The following LMBRD2 variants were observed in gnomAD, a reference collection of about 807,000 sequenced individuals.
The protein encoded by LMBRD2 is G protein-coupled receptor-associated protein LMBRD2.
In LMBRD2, 55 loss-of-function variants were observed where a neutral mutation model predicts 94.4. That is an observed-to-expected ratio of 0.58 (90% CI 0.47 to 0.73). LMBRD2 has a LOEUF of 0.73. Ranked by LOEUF, LMBRD2 falls within the 30% of genes least tolerant of loss-of-function variation. The pLI, the probability that LMBRD2 is intolerant of heterozygous loss-of-function variation, is 0.00. For synonymous variants in LMBRD2, 246 were observed against 272.4 expected (o/e 0.90, Z 0.95); for missense variants, 640 against 831.9 (o/e 0.77, Z 2.84).
At chr5:36,147,950 G>C (rs1312437064) in intron 1 of LMBRD2, 1 of 352,112 alleles carries the variant, frequency 2.8e-6, no homozygotes, top group South Asian at 2.1e-5. Context: ...TTAAATATCT[G>C]AGTCTGATGA....
intron 9 of LMBRD2, among the ~76,000 whole-genome samples, chr5:36,120,105 C>A (rs1743853779): frequency 6.6e-6 from 1 of 150,724 alleles, no homozygotes; most frequent in East Asian, 1.9e-4. Flanking sequence ...TGTCCCCAGG[C>A]TGGAGTGTAG....
chr5:36,132,664 C>CAA (rs35930344), intron 6 of LMBRD2, among the ~76,000 whole-genome samples: 11,711 of 133,846 alleles, frequency 0.087, 925 homozygotes, highest in African/African-American at 0.21. Flanking sequence ...TTGAATTTCT[C>CAA]AAAAAAAAAA....
Position 36,148,960 on chromosome 5 carries a change from A to G in LMBRD2, c.-58+2596T>C, listed in dbSNP as rs117912141. On this transcript the variant is annotated intron_variant, in intron 1 of 17. Transcript: ENST00000296603. Reference sequence around the variant, plus strand: ...GAATTTAACGCAAACTTTTTACATTACAGATTATACTACTATTACTTGATT... The same window carrying G: ...GAATTTAACGCAAACTTTTTACATTGCAGATTATACTACTATTACTTGATT... Among the ~76,000 whole-genome samples the G allele has an allele frequency of 2.6e-5, 4 of 152,354 alleles. No homozygotes were observed. In the East Asian group the frequency reaches 5.8e-4, roughly 22 times the overall value.
rs561731643 is a variant in LMBRD2, at chr5:36,141,008, T to A, written c.368+99A>T. 4.0e-5 allele frequency: 25 copies of A among 630,572 alleles called. No individual in the cohort carries two copies. The African/African-American group carries it at 4.5e-4, about 11-fold the overall frequency. 39.1% of individuals were successfully genotyped at this position (630,572 alleles called of 1,614,324 possible). Reference sequence around the variant, plus strand: ...AAATAATGGGTAGAAAGATTCAGAATGCATATGACACATAAATAAATTCCA... The same window carrying A: ...AAATAATGGGTAGAAAGATTCAGAAAGCATATGACACATAAATAAATTCCA... On this transcript the variant is annotated intron_variant, in intron 4 of 17. Coordinates refer to ENST00000296603, the MANE Select transcript of LMBRD2 (RefSeq NM_001007527.2).
chr5:36,106,653 G>A (rs1743479507), intron 16 of LMBRD2, among the ~76,000 whole-genome samples: 1 of 151,692 alleles, frequency 6.6e-6, no homozygotes, highest in African/African-American at 2.4e-5. Context: ...GGGATTACAG[G>A]TGCATACCAC....
At chr5:36,122,728 G>A (rs1743915727) in intron 8 of LMBRD2, 120 bp downstream of exon 8, 2 of 1,256,348 alleles carry the variant, frequency 1.6e-6, no homozygotes, top group South Asian at 1.6e-5. Context: ...AGAATGATAA[G>A]GACGGGATTA....
In LMBRD2 at chr5:36,102,336, T is replaced by C. The variant is rs1421745743; in HGVS notation, c.*1710A>G. On this transcript the variant is annotated 3_prime_UTR_variant, in exon 18 of 18. Transcript: ENST00000296603. ...CAAATGAAAGTGCAGAATGAAGCAC[T>C]TGAGGCACTGAAGAGCTACATGATT... The C allele has an allele frequency of 6.6e-6, 1 of 151,878 alleles. No homozygotes were observed. The highest frequency in any genetic ancestry group is 2.4e-5 in the African/African-American group (1 of 41,436). The allele number at this position is 151,878 out of a possible 1,614,324, so 9.4% of individuals were successfully genotyped here.
rs935122523 is a variant in LMBRD2 at position 36,098,656 on chromosome 5, A to G, written c.*5390T>C. On this transcript the variant is annotated 3_prime_UTR_variant, in exon 18 of 18. Coordinates refer to ENST00000296603, the MANE Select transcript of LMBRD2 (RefSeq NM_001007527.2). ...ATTTCAAAAAATTCATTACATCACA[A>G]TAAGTTAAAATACTACAAAGGAACT... The G allele has an allele frequency of 9.2e-5, 14 of 152,082 alleles. No individual in the cohort carries two copies. In the East Asian group the frequency reaches 1.3e-3, roughly 15 times the overall value. The allele number at this position is 152,082 out of a possible 1,614,324, so 9.4% of individuals were successfully genotyped here. A position where few individuals can be genotyped will look rare whatever the true frequency, so the allele number is the denominator to read the frequency against.
chr5:36,116,387 CA>C (rs1561514005), intron 11 of LMBRD2, 72 bp downstream of exon 11: 1 of 1,409,980 alleles, frequency 7.1e-7, no homozygotes, highest in Non-Finnish European at 9.8e-7. Context: ...CTGTAAACAA[CA>C]AAAAATAAAA....
At position 36,151,160 on chromosome 5, in the gene LMBRD2, G is replaced by T. The variant is rs1198656294; in HGVS notation, c.-58+396C>A. 6.6e-6 allele frequency among the ~76,000 whole-genome samples: 1 copy of T among 152,320 alleles called. No individual in the cohort carries two copies. The highest frequency in any genetic ancestry group is 6.5e-5 in the Admixed American group (1 of 15,304). On this transcript the variant is annotated intron_variant, in intron 1 of 17. Coordinates refer to ENST00000296603, the MANE Select transcript of LMBRD2 (RefSeq NM_001007527.2). This position sits in a 1 kb window ranked among gnomAD's most constrained non-coding sequence, Gnocchi z 4.7. ...AGCAGAGATAGGCTGAAAGCAGCTC[G>T]CTTTTAGGCGGCGACGCAAACACAC...
intron 6 of LMBRD2, among the ~76,000 whole-genome samples, chr5:36,134,543 T>G (rs1399009176): frequency 6.6e-6 from 1 of 152,050 alleles, no homozygotes; most frequent in Non-Finnish European, 1.5e-5. Context: ...ATGACTGGTG[T>G]CCTTACAAAA....
rs1439646006 is a variant in LMBRD2 at position 36,100,639 on chromosome 5, A to G, written c.*3407T>C. ...AATTCAATACAATCCATTACATTTG[A>G]TGATTCAAGTACGCTAAGATTTTTC... On this transcript the variant is annotated 3_prime_UTR_variant, in exon 18 of 18. Coordinates refer to ENST00000296603, the MANE Select transcript of LMBRD2 (RefSeq NM_001007527.2). 2.0e-5 allele frequency: 3 copies of G among 152,124 alleles called. No homozygotes were observed. In the East Asian group the frequency reaches 5.8e-4, roughly 29 times the overall value. 9.4% of individuals were successfully genotyped at this position (152,124 alleles called of 1,614,324 possible).
At position 36,099,853 on chromosome 5, in the gene LMBRD2, T is replaced by C. The variant is rs578187781; in HGVS notation, c.*4193A>G. ...TAACAGATTTAAAATTTACAGTGAGTCCTCAATTGACCTCAATGGACCAAT... is the reference window on the plus strand; with the variant it reads ...TAACAGATTTAAAATTTACAGTGAGCCCTCAATTGACCTCAATGGACCAAT... On this transcript the variant is annotated 3_prime_UTR_variant, in exon 18 of 18. Coordinates refer to ENST00000296603, the MANE Select transcript of LMBRD2 (RefSeq NM_001007527.2). 17 of 152,190 alleles carry C rather than the reference T, an allele frequency of 1.1e-4. No individual in the cohort carries two copies. Among genetic ancestry groups the C allele is most frequent in the Admixed American group, 5.2e-4 (8 of 15,280 alleles). The allele number at this position is 152,190 out of a possible 1,614,324, so 9.4% of individuals were successfully genotyped here. A position where few individuals can be genotyped will look rare whatever the true frequency, so the allele number is the denominator to read the frequency against.
chr5:36,139,576 C>T (rs1403051797), intron 4 of LMBRD2, among the ~76,000 whole-genome samples: 1 of 152,212 alleles, frequency 6.6e-6, no homozygotes, highest in Non-Finnish European at 1.5e-5. Flanking sequence ...ATGGCCCAAT[C>T]AGTGCACACT....
intron 9 of LMBRD2, among the ~76,000 whole-genome samples, chr5:36,120,210 G>C (rs928407369): frequency 7.3e-5 from 11 of 151,488 alleles, no homozygotes; most frequent in Admixed American, 7.2e-4. Flanking sequence ...AGGTAGGCTG[G>C]AGTGCAGTGG....
In LMBRD2 at chr5:36,137,364, A is replaced by G; in HGVS notation, c.446T>C (p.Ile149Thr). The change falls in exon 5 of 18, where the codon ATT (isoleucine) becomes ACT (threonine). Residue 149 changes from isoleucine to threonine, a missense_variant. Physicochemically the swap from Ile to Thr is moderately conservative, Grantham distance 89. Around this residue, in one of 2 missense-constraint regions of LMBRD2, gnomAD observed 457 missense variants for 642.8 expected, o/e 0.71. Transcript: ENST00000296603. ...GGTGCCATAGTAGATTGCATTCTCA[A>G]TTAGTGCAGTTTTGATCTTTCCAGT... is the stretch of plus-strand genomic sequence containing the variant. ...SITGKIKTAL[I>T]ENAIYYGTYL... The G allele has an allele frequency of 2.5e-6, 4 of 1,607,726 alleles. No individual in the cohort carries two copies. The highest frequency in any genetic ancestry group is 2.2e-5 in the South Asian group (2 of 90,334).
At chr5:36,131,220 A>G (rs1178218704) in intron 6 of LMBRD2, among the ~76,000 whole-genome samples, 1 of 152,184 alleles carries the variant, frequency 6.6e-6, no homozygotes, top group East Asian at 1.9e-4. Context: ...TATTAATAGA[A>G]TGAAGGAAAA....
rs757214960 is a variant in LMBRD2 at position 36,122,306 on chromosome 5, A to T, written c.1094T>A (p.Ile365Asn). ...FQSPEPENRF[I>N]QYFYNPTFEW... ...AAATGTAGGATTATAAAAATATTGG[A>T]TAAATCGATTTTCTGGCTCTGGCGA... Residue 365 changes from isoleucine (I) to asparagine (N), a missense_variant, in exon 9 of 18, where the codon ATC becomes AAC. Ile to Asn is a moderately radical substitution (Grantham distance 149). Around this residue, in one of 2 missense-constraint regions of LMBRD2, gnomAD observed 457 missense variants for 642.8 expected, o/e 0.71. Transcript: ENST00000296603. 3 of 1,603,604 alleles carry T rather than the reference A, an allele frequency of 1.9e-6. No individual in the cohort carries two copies. The African/African-American group carries it at 4.0e-5, about 22-fold the overall frequency.
chr5:36,115,985 T>C (rs1222229256), intron 11 of LMBRD2, among the ~76,000 whole-genome samples: 1 of 152,184 alleles, frequency 6.6e-6, no homozygotes, highest in Non-Finnish European at 1.5e-5. Context: ...TATAAATACC[T>C]AATAGGACTC....
Sources: allele counts gnomAD v4.1 joint callset (sites outside exome capture counted in the v4.1 genomes callset), GRCh38; gene constraint gnomAD v4.1.1; regional missense constraint gnomAD v4.1.1; non-coding constraint Gnocchi (gnomAD v3.1); transcripts MANE v1.5; gene names NCBI Gene and HGNC (gene_info 2026-07-23, HGNC 2026-07-21).